The following LRFN2 variants were observed in gnomAD, a reference collection of about 807,000 sequenced individuals.
LRFN2 encodes leucine rich repeat and fibronectin type III domain containing 2, also known as leucine-rich repeat and fibronectin type-III domain-containing protein 2.
LRFN2 carries 18 observed loss-of-function variants against 37.3 expected under a neutral mutation model. The observed-to-expected ratio is 0.48, with a 90% confidence interval of 0.33 to 0.72. LRFN2 has a LOEUF of 0.72. Ranked by LOEUF, LRFN2 falls within the 30% of genes least tolerant of loss-of-function variation. The probability of loss-of-function intolerance (pLI) is 0.02; values close to 1 mark genes in which losing one functional copy is unlikely to be tolerated. For synonymous variants in LRFN2, 556 were observed against 466.6 expected (o/e 1.19, Z -2.47); for missense variants, 1,006 against 1,060.7 (o/e 0.95, Z 0.72).
At position 40,487,046 on chromosome 6, in the gene LRFN2, G is replaced by T. The variant is rs112414150; in HGVS notation, c.-18-53915C>A. ...TGTCACATACCTGGGAGGGGATGGC[G>T]TTGGGATCCTGATTCAATCTGTGTT... On this transcript the variant is annotated intron_variant, in intron 1 of 2. Coordinates refer to ENST00000338305, the MANE Select transcript of LRFN2 (RefSeq NM_020737.3). Among the ~76,000 whole-genome samples, 352 of 152,214 alleles carry T rather than the reference G, an allele frequency of 2.3e-3. 3 individuals are homozygous for T. Among genetic ancestry groups the T allele is most frequent in the African/African-American group, 7.6e-3 (315 of 41,544 alleles).
intron 1 of LRFN2, among the ~76,000 whole-genome samples, chr6:40,570,729 G>T (rs567231350): frequency 4.6e-5 from 7 of 152,328 alleles, no homozygotes; most frequent in African/African-American, 1.7e-4. Context: ...GACATCTGAA[G>T]GACGAGTAGT....
intron 1 of LRFN2, among the ~76,000 whole-genome samples, chr6:40,585,081 C>A (rs1304029298): frequency 6.6e-6 from 1 of 152,118 alleles, no homozygotes. Flanking sequence ...AAGAAGGAGC[C>A]CTGAACCCCA....
chr6:40,540,306 G>A (rs1191722287), intron 1 of LRFN2, among the ~76,000 whole-genome samples: 1 of 152,202 alleles, frequency 6.6e-6, no homozygotes, highest in Admixed American at 6.5e-5. Flanking sequence ...TGGCCCCTAG[G>A]CCAGCCCGTC....
At chr6:40,460,754 C>T (rs1377134144) in intron 1 of LRFN2, among the ~76,000 whole-genome samples, 1 of 152,102 alleles carries the variant, frequency 6.6e-6, no homozygotes, top group African/African-American at 2.4e-5. Flanking sequence ...GGATAGATCA[C>T]CACAGAAAGA....
At chr6:40,469,307 C>T (rs1764543403) in intron 1 of LRFN2, among the ~76,000 whole-genome samples, 1 of 152,206 alleles carries the variant, frequency 6.6e-6, no homozygotes, top group Non-Finnish European at 1.5e-5. Flanking sequence ...GCCCTCAGGA[C>T]TATAAGAGGA....
At chr6:40,502,557 C>T (rs1257595113) in intron 1 of LRFN2, among the ~76,000 whole-genome samples, 5 of 152,214 alleles carry the variant, frequency 3.3e-5, no homozygotes. Context: ...GACTCCTGTC[C>T]TTCCTGGAAC....
At chr6:40,555,485 GC>G (rs1327532311) in intron 1 of LRFN2, among the ~76,000 whole-genome samples, 1 of 152,290 alleles carries the variant, frequency 6.6e-6, no homozygotes, top group East Asian at 1.9e-4. Flanking sequence ...GGCTGTCTGA[GC>G]CCCATCCGGG....
chr6:40,441,727 C>T (rs963302665), intron 1 of LRFN2, among the ~76,000 whole-genome samples: 1 of 152,118 alleles, frequency 6.6e-6, no homozygotes. Flanking sequence ...CCACTCCAGC[C>T]TACAGGTGTG....
chr6:40,443,109 C>T (rs2113835671), intron 1 of LRFN2, among the ~76,000 whole-genome samples: 1 of 152,266 alleles, frequency 6.6e-6, no homozygotes, highest in East Asian at 1.9e-4. Context: ...CCAGGCTGGG[C>T]TGCTGCAGTG....
chr6:40,525,445 TGTAA>T (rs1280614720), intron 1 of LRFN2, among the ~76,000 whole-genome samples: 1 of 152,218 alleles, frequency 6.6e-6, no homozygotes, highest in Non-Finnish European at 1.5e-5. Flanking sequence ...GTGCCTGATC[TGTAA>T]GTGTCTAATT....
chr6:40,536,185 G>T (rs138061369), intron 1 of LRFN2, among the ~76,000 whole-genome samples: 174 of 152,158 alleles, frequency 1.1e-3, no homozygotes, highest in Middle Eastern at 0.01. Context: ...AGAGCCAGGT[G>T]CTCCAGCAGC....
In LRFN2 at chr6:40,450,589, C is replaced by T. The variant is rs543069659; in HGVS notation, c.-18-17458G>A. The stretch of plus-strand genomic sequence containing the variant: ...GGAGGGCAAAGTGTGCAGTGTTTGT[C>T]CAGTGTCCAGCTTCATCCCGTCATG... On this transcript the variant is annotated intron_variant, in intron 1 of 2. Coordinates refer to ENST00000338305, the MANE Select transcript of LRFN2 (RefSeq NM_020737.3). Among the ~76,000 whole-genome samples, 11 of 152,292 alleles carry T rather than the reference C, an allele frequency of 7.2e-5. No homozygotes were observed. In the East Asian group the frequency reaches 1.9e-3, roughly 27 times the overall value.
chr6:40,571,059 A>AGCTGGAGAGGAATCACCTCTT (rs1417420832), intron 1 of LRFN2, among the ~76,000 whole-genome samples: 2 of 152,252 alleles, frequency 1.3e-5, no homozygotes, highest in Non-Finnish European at 2.9e-5. Flanking sequence ...CCGGAAGCAG[A>AGCTGGAGAGGAATCACCTCTT]GCTGGAGAGG....
intron 1 of LRFN2, among the ~76,000 whole-genome samples, chr6:40,472,112 G>C (rs1458543909): frequency 6.6e-6 from 1 of 152,198 alleles, no homozygotes; most frequent in Non-Finnish European, 1.5e-5. Flanking sequence ...CAATCAGGTT[G>C]TACTTATAGG....
chr6:40,491,536 G>A (rs570099237), intron 1 of LRFN2, among the ~76,000 whole-genome samples: 1 of 147,682 alleles, frequency 6.8e-6, no homozygotes, highest in South Asian at 2.2e-4. Flanking sequence ...CCATGTGACT[G>A]TGGGTAGGTA....
chr6:40,474,531 C>T lies in LRFN2; in HGVS notation c.-18-41400G>A, dbSNP rs113254641. Among the ~76,000 whole-genome samples the T allele has an allele frequency of 5.6e-3, 853 of 152,160 alleles. 8 individuals carry two copies. The highest frequency in any genetic ancestry group is 0.027 in the Middle Eastern group (8 of 294). On this transcript the variant is annotated intron_variant, in intron 1 of 2. Coordinates refer to ENST00000338305, the MANE Select transcript of LRFN2 (RefSeq NM_020737.3). ...TTGAGATGCAGTCTCACTCTGTCAC[C>T]CAGGCTGGAGTGCGGTGGCACGATC...
rs75845608 is a variant in LRFN2, at chr6:40,544,271, T to C, written c.-19+42670A>G. Among the ~76,000 whole-genome samples, 745 of 152,326 alleles carry C rather than the reference T, an allele frequency of 4.9e-3. 8 individuals are homozygous for C. Among genetic ancestry groups the C allele is most frequent in the African/African-American group, 0.017 (689 of 41,576 alleles). On this transcript the variant is annotated intron_variant, in intron 1 of 2. Transcript: ENST00000338305. ...CCGCAGAGTGTCTCACCCATTCCCA[T>C]TGATGCCAGGCATGAAAGTCCCACC...
chr6:40,576,633 A>G (rs373638996), intron 1 of LRFN2, among the ~76,000 whole-genome samples: 3 of 152,128 alleles, frequency 2.0e-5, no homozygotes, highest in Non-Finnish European at 2.9e-5. Flanking sequence ...GTGCCTCCCA[A>G]TTATGCACCA....
At chr6:40,507,994 T>C (rs1052814569) in intron 1 of LRFN2, among the ~76,000 whole-genome samples, 5 of 152,142 alleles carry the variant, frequency 3.3e-5, no homozygotes, top group African/African-American at 9.7e-5. Context: ...GTGAGGAAAC[T>C]GAGGCAGGGA....
Sources: allele counts gnomAD v4.1 joint callset (sites outside exome capture counted in the v4.1 genomes callset), GRCh38; gene constraint gnomAD v4.1.1; transcripts MANE v1.5; gene names NCBI Gene and HGNC (gene_info 2026-07-23, HGNC 2026-07-21).